Variants in CACYBP observed in about 807,000 individuals in gnomAD.
CACYBP encodes calcyclin binding protein.
In CACYBP, 11 loss-of-function variants were observed where a neutral mutation model predicts 29.6. The observed-to-expected ratio is 0.37, with a 90% CI of 0.23 to 0.61. The LOEUF is 0.61. Ranked by LOEUF, CACYBP falls within the 20% of genes least tolerant of loss-of-function variation. CACYBP has a pLI of 0.65. For missense variants in CACYBP, 163 were observed against 260.7 expected (o/e 0.63, Z 2.58); for synonymous variants, 73 against 88.3 (o/e 0.83, Z 0.97).
intron 1 of CACYBP, chr1:175,000,453 G>A (rs1271780223): frequency 7.3e-7 from 1 of 1,377,024 alleles, no homozygotes; most frequent in Non-Finnish European, 9.3e-7. Context: ...TGCAGGCGGT[G>A]CGGGGAGTGG....
chr1:175,008,555 C>T (rs1453289195), intron 4 of CACYBP, 54 bp from the exon 5 acceptor site: 1 of 825,602 alleles, frequency 1.2e-6, no homozygotes. Context: ...TATAAATATT[C>T]ATGCTTATCT....
upstream of CACYBP, chr1:174,999,835 A>T (rs1672414342): frequency 1.3e-5 from 6 of 450,734 alleles, no homozygotes; most frequent in Non-Finnish European, 2.4e-5. Flanking sequence ...TTCGCTCGCG[A>T]GACTTGAGCG....
At chr1:175,004,934 G>T in intron 2 of CACYBP, 101 bp downstream of exon 2, 2 of 844,954 alleles carry the variant, frequency 2.4e-6, no homozygotes, top group Non-Finnish European at 4.1e-6. Flanking sequence ...CTGTGTTTTT[G>T]GTGGTTTGGA....
At chr1:175,008,091 A>G (rs1171771004) in intron 4 of CACYBP, among the ~76,000 whole-genome samples, 2 of 152,172 alleles carry the variant, frequency 1.3e-5, no homozygotes, top group African/African-American at 4.8e-5. Context: ...AAAGACCTGT[A>G]CATTGCCCTT....
chr1:175,004,948 A>AG (rs761302633), intron 2 of CACYBP, 115 bp downstream of exon 2: 1 of 757,100 alleles, frequency 1.3e-6, no homozygotes, highest in Non-Finnish European at 2.4e-6. Flanking sequence ...GTTTGGAGCA[A>AG]GACCCATCAG....
At chr1:175,007,458 C>T (rs1290513492) in intron 4 of CACYBP, among the ~76,000 whole-genome samples, 7 of 152,188 alleles carry the variant, frequency 4.6e-5, no homozygotes, top group Admixed American at 4.6e-4. Flanking sequence ...CTATGCGGCC[C>T]TCGACAGAGA....
At chr1:175,001,561 A>G (rs1163324597) in intron 1 of CACYBP, among the ~76,000 whole-genome samples, 2 of 152,230 alleles carry the variant, frequency 1.3e-5, no homozygotes, top group African/African-American at 4.8e-5. Flanking sequence ...GGCATTTCAT[A>G]TAAATGGAGT....
intron 5 of CACYBP, 77 bp from the exon 6 acceptor site, chr1:175,009,846 C>T: frequency 8.9e-7 from 1 of 1,123,606 alleles, no homozygotes; most frequent in East Asian, 2.4e-5. Context: ...CTACTTCCTG[C>T]CAGTGTTAAC....
rs1407706917 is a variant in CACYBP at position 175,000,228 on chromosome 1, C to G, written c.15+33C>G. ...GTCCGGCCCCATATTCCTTATGCCC[C>G]CCGGCTGGAGCTGCAGCGCCAGCCT... On this transcript the variant is annotated intron_variant, in intron 1 of 5. Coordinates refer to ENST00000367679, the MANE Select transcript of CACYBP (RefSeq NM_014412.3). The G allele has an allele frequency of 4.4e-6, 7 of 1,590,532 alleles. No homozygotes were observed. The Admixed American group carries it at 1.0e-4, about 24-fold the overall frequency.
chr1:175,006,066 GC>G, intron 2 of CACYBP, among the ~76,000 whole-genome samples: 1 of 152,222 alleles, frequency 6.6e-6, no homozygotes, highest in South Asian at 2.1e-4. Flanking sequence ...AACAGAAGAT[GC>G]TTTTTTGTGA....
chr1:175,003,086 G>A (rs1472918161), intron 1 of CACYBP, among the ~76,000 whole-genome samples: 2 of 151,270 alleles, frequency 1.3e-5, no homozygotes, highest in Admixed American at 6.6e-5. Context: ...TGGAAGGGTC[G>A]AGAGTGTGGA....
At chr1:175,004,584 A>G (rs747358084) in intron 1 of CACYBP, 30 bp from the exon 2 acceptor site, 3 of 1,379,550 alleles carry the variant, frequency 2.2e-6, no homozygotes, top group South Asian at 1.4e-5. Flanking sequence ...CTTATTTATC[A>G]TAGCTAACTT....
Position 175,009,911 on chromosome 1 carries a change from T to G in CACYBP, c.531-12T>G, listed in dbSNP as rs781681993. The G allele has an allele frequency of 6.3e-7, 1 of 1,599,766 alleles. No homozygotes were observed. Among genetic ancestry groups the G allele is most frequent in the South Asian group, 1.1e-5 (1 of 88,366 alleles). The stretch of plus-strand genomic sequence containing the variant: ...TCGTTTCCCCATTGTTGTATATGTT[T>G]TCTTTTTAAAGGAAGCCCTCCTATG... On this transcript the variant is annotated splice_polypyrimidine_tract_variant and intron_variant, in intron 5 of 5. Transcript: ENST00000367679.
chr1:175,009,125 T>C (rs981956984), intron 5 of CACYBP, among the ~76,000 whole-genome samples: 1 of 152,202 alleles, frequency 6.6e-6, no homozygotes, highest in Non-Finnish European at 1.5e-5. Context: ...TCTAGGTCAG[T>C]TCATCTTCTA....
intron 1 of CACYBP, among the ~76,000 whole-genome samples, chr1:175,003,855 AAAGTAGTAG>A (rs1672553128): frequency 4.6e-5 from 7 of 152,350 alleles, no homozygotes; most frequent in African/African-American, 1.7e-4. Context: ...TAGAAAGTAG[AAAGTAGTAG>A]ACTTTAATAG....
chr1:175,010,937 AAC>A lies in CACYBP; in HGVS notation c.*862_*863del, dbSNP rs987072408. On this transcript the variant is annotated 3_prime_UTR_variant, in exon 6 of 6. Transcript: ENST00000367679. ...CTTTATTTTCCTGGAGGTATTAGCC[AAC>A]ACAGTTAGATCAGAGAAAGCAATTG... 46 of 152,186 alleles carry A rather than the reference AAC, an allele frequency of 3.0e-4. No homozygotes were observed. Among genetic ancestry groups the A allele is most frequent in the African/African-American group, 1.1e-3 (46 of 41,504 alleles). 9.4% of individuals were successfully genotyped at this position (152,186 alleles called of 1,614,324 possible).
At chr1:175,004,545 G>T in intron 1 of CACYBP, 69 bp from the exon 2 acceptor site, 1 of 910,132 alleles carries the variant, frequency 1.1e-6, no homozygotes. Context: ...AAGTTGAAAT[G>T]AGTGATACGC....
At chr1:175,004,344 T>G (rs1195046700) in intron 1 of CACYBP, among the ~76,000 whole-genome samples, 1 of 152,232 alleles carries the variant, frequency 6.6e-6, no homozygotes, top group African/African-American at 2.4e-5. Flanking sequence ...TGTAAATATT[T>G]TAAAACATAA....
In CACYBP at chr1:175,004,851, A is replaced by G. The variant is rs1409745895; in HGVS notation, c.235+18A>G. The G allele has an allele frequency of 7.9e-6, 12 of 1,518,612 alleles. No individual in the cohort carries two copies. The highest frequency in any genetic ancestry group is 3.3e-5 in the Admixed American group (2 of 59,902). 94.1% of individuals were successfully genotyped at this position (1,518,612 alleles called of 1,614,324 possible). A position where few individuals can be genotyped will look rare whatever the true frequency, so the allele number is the denominator to read the frequency against. On this transcript the variant is annotated intron_variant, in intron 2 of 5. Coordinates refer to ENST00000367679, the MANE Select transcript of CACYBP (RefSeq NM_014412.3). Reference sequence around the variant, plus strand: ...TAATTATGGTATGACTTGCTTCCCTATAGCCAGTTCTGCCTCCGAGCAACC... The same window carrying G: ...TAATTATGGTATGACTTGCTTCCCTGTAGCCAGTTCTGCCTCCGAGCAACC...
Sources: allele counts gnomAD v4.1 joint callset (sites outside exome capture counted in the v4.1 genomes callset), GRCh38; gene constraint gnomAD v4.1.1; transcripts MANE v1.5; gene names NCBI Gene and HGNC (gene_info 2026-07-23, HGNC 2026-07-21).